PRUNE2: variants seen among roughly 807,000 people sequenced by gnomAD.
PRUNE2 encodes protein prune homolog 2.
In PRUNE2, 164 loss-of-function variants were observed where a neutral mutation model predicts 252.0. The ratio of observed to expected loss-of-function variants is 0.65; its 90% CI spans 0.57 to 0.74. The LOEUF (loss-of-function observed/expected upper bound fraction) is 0.74. PRUNE2 is among the 30% of genes least tolerant of loss of function. The pLI is 0.00. For missense variants in PRUNE2, 3,495 were observed against 3,711.0 expected (o/e 0.94, Z 1.51); for synonymous variants, 1,292 against 1,350.2 (o/e 0.96, Z 0.94).
intron 6 of PRUNE2, among the ~76,000 whole-genome samples, chr9:76,719,707 G>C (rs995129540): frequency 8.6e-5 from 13 of 151,914 alleles, no homozygotes; most frequent in African/African-American, 3.1e-4. Flanking sequence ...GAGTGCAATG[G>C]TATGATCATG....
At chr9:76,868,545 C>T (rs1305811286) in intron 1 of PRUNE2, among the ~76,000 whole-genome samples, 1 of 152,046 alleles carries the variant, frequency 6.6e-6, no homozygotes, top group Non-Finnish European at 1.5e-5. Flanking sequence ...AGAACCCTCC[C>T]CTCTCCCCTA....
intron 6 of PRUNE2, among the ~76,000 whole-genome samples, chr9:76,796,982 G>A (rs1589276801): frequency 1.3e-5 from 2 of 152,024 alleles, no homozygotes; most frequent in East Asian, 3.9e-4. Flanking sequence ...GAAGAACCCT[G>A]ACCAATACAC....
At chr9:76,823,513 G>A (rs2058156354) in intron 6 of PRUNE2, 119 bp downstream of exon 6, 2 of 670,568 alleles carry the variant, frequency 3.0e-6, no homozygotes, top group Non-Finnish European at 5.4e-6. Flanking sequence ...CAAGTCAAAT[G>A]TATCACAAAG....
intron 1 of PRUNE2, among the ~76,000 whole-genome samples, chr9:76,858,580 G>A (rs1375780998): frequency 6.6e-6 from 1 of 152,034 alleles, no homozygotes; most frequent in African/African-American, 2.4e-5. Flanking sequence ...GACACAGGGA[G>A]GGCAACATCA....
chr9:76,717,112 A>C (rs755944981), intron 6 of PRUNE2, among the ~76,000 whole-genome samples: 2 of 152,356 alleles, frequency 1.3e-5, no homozygotes, highest in South Asian at 2.1e-4. Context: ...AAATCAAAAA[A>C]CTATTTGAAT....
intron 4 of PRUNE2, among the ~76,000 whole-genome samples, chr9:76,831,041 T>A (rs1352664440): frequency 6.6e-6 from 1 of 151,900 alleles, no homozygotes; most frequent in Non-Finnish European, 1.5e-5. Context: ...ACCATTCTCC[T>A]GCCTCAGTCT....
chr9:76,903,176 A>G (rs755604391), intron 1 of PRUNE2, among the ~76,000 whole-genome samples: 2 of 152,242 alleles, frequency 1.3e-5, no homozygotes, highest in Non-Finnish European at 2.9e-5. Context: ...AATTTTTCCA[A>G]CATTTTGATT....
At chr9:76,885,560 T>C (rs575248193) in intron 1 of PRUNE2, among the ~76,000 whole-genome samples, 9 of 152,186 alleles carry the variant, frequency 5.9e-5, no homozygotes, top group Non-Finnish European at 1.3e-4. Context: ...ATCTACTTCC[T>C]ACATGATAAA....
intron 4 of PRUNE2, among the ~76,000 whole-genome samples, chr9:76,844,419 G>C (rs1239740418): frequency 6.6e-6 from 1 of 152,128 alleles, no homozygotes; most frequent in Admixed American, 6.5e-5. Flanking sequence ...GCCATGCATG[G>C]AAGTTTCCTG....
chr9:76,795,309 A>G (rs1109460), intron 6 of PRUNE2, among the ~76,000 whole-genome samples: 21,217 of 152,070 alleles, frequency 0.14, 3,004 homozygotes, highest in African/African-American at 0.36. Context: ...CACCGTCAAA[A>G]CACCATAACT....
chr9:76,901,685 T>C (rs1232851124), intron 1 of PRUNE2, among the ~76,000 whole-genome samples: 9 of 152,244 alleles, frequency 5.9e-5, no homozygotes, highest in African/African-American at 2.2e-4. Flanking sequence ...GTTTTGAATG[T>C]ACTTTCTTGT....
At chr9:76,861,762 A>G (rs1234789903) in intron 1 of PRUNE2, among the ~76,000 whole-genome samples, 1 of 152,062 alleles carries the variant, frequency 6.6e-6, no homozygotes, top group Non-Finnish European at 1.5e-5. Flanking sequence ...CGATGTGGCC[A>G]AGAAGTATTA....
chr9:76,649,263 C>G (rs1009602584), intron 11 of PRUNE2, among the ~76,000 whole-genome samples: 1 of 152,196 alleles, frequency 6.6e-6, no homozygotes, highest in Non-Finnish European at 1.5e-5. Context: ...ATTATTCTTC[C>G]TCTGCACATA....
chr9:76,624,028 A>G (rs2132111658), intron 17 of PRUNE2, among the ~76,000 whole-genome samples: 1 of 152,344 alleles, frequency 6.6e-6, no homozygotes, highest in Non-Finnish European at 1.5e-5. Context: ...TGTTGTTTTA[A>G]TTCATAGAAG....
intron 6 of PRUNE2, chr9:76,779,528 A>C (rs1011416375): frequency 2.6e-5 from 4 of 152,208 alleles, no homozygotes; most frequent in African/African-American, 9.6e-5. Context: ...TTTTAAGAGA[A>C]AGTTTTAGAA....
chr9:76,790,932 A>G (rs998636465), intron 6 of PRUNE2, among the ~76,000 whole-genome samples: 2 of 152,250 alleles, frequency 1.3e-5, no homozygotes, highest in African/African-American at 4.8e-5. Flanking sequence ...TGAAGTCAAG[A>G]AAAGCACATT....
At chr9:76,666,746 T>C (rs968954559) in intron 9 of PRUNE2, among the ~76,000 whole-genome samples, 14 of 152,022 alleles carry the variant, frequency 9.2e-5, no homozygotes, top group African/African-American at 2.7e-4. Flanking sequence ...CCCAGCTGTC[T>C]TTTCTTTTAT....
chr9:76,668,753 TC>T (rs774995334), intron 9 of PRUNE2, among the ~76,000 whole-genome samples: 9 of 151,882 alleles, frequency 5.9e-5, no homozygotes, highest in Non-Finnish European at 1.2e-4. Context: ...CTTCCTTTTG[TC>T]CTCAGCTCCT....
intron 1 of PRUNE2, chr9:76,856,304 G>A (rs2060247746): frequency 6.6e-6 from 1 of 152,248 alleles, no homozygotes; most frequent in South Asian, 2.1e-4. Flanking sequence ...AATTCAGGGA[G>A]AAGAGAGAAT....
Sources: gnomAD v4.1 joint callset for allele counts (sites outside exome capture counted in the v4.1 genomes callset) on GRCh38, gnomAD v4.1.1 for gene constraint, MANE v1.5 for transcripts, NCBI Gene and HGNC (gene_info 2026-07-23, HGNC 2026-07-21) for gene names.